Variants in PXDNL observed in about 807,000 individuals in gnomAD.
PXDNL encodes probable oxidoreductase PXDNL.
In PXDNL, 145 loss-of-function variants were observed where a neutral mutation model predicts 150.8. The observed-to-expected ratio is 0.96, with a 90% CI of 0.84 to 1.10. The LOEUF is 1.10. Among genes scored for constraint, PXDNL ranks in the 50% least tolerant of loss-of-function variants. The pLI is 0.00. For missense variants in PXDNL, 2,087 were observed against 1,873.9 expected (o/e 1.11, Z -2.10); for synonymous variants, 757 against 725.7 (o/e 1.04, Z -0.69).
At chr8:51,412,056 C>A (rs944294476) in intron 15 of PXDNL, among the ~76,000 whole-genome samples, 1 of 152,164 alleles carries the variant, frequency 6.6e-6, no homozygotes, top group Admixed American at 6.5e-5. Flanking sequence ...AAATACCAAG[C>A]CCACTGACCA....
At chr8:51,590,200 TAA>T (rs1232291530) in intron 3 of PXDNL, among the ~76,000 whole-genome samples, 1 of 152,040 alleles carries the variant, frequency 6.6e-6, no homozygotes. Context: ...CCACATGGTA[TAA>T]GTCTCCAGGC....
intron 2 of PXDNL, among the ~76,000 whole-genome samples, chr8:51,600,893 A>G (rs1191013346): frequency 7.0e-6 from 1 of 142,178 alleles, no homozygotes; most frequent in Non-Finnish European, 1.5e-5. Context: ...TATATAAATT[A>G]TATAGTTTAG....
At chr8:51,367,169 TG>T (rs1171322364) in intron 19 of PXDNL, among the ~76,000 whole-genome samples, 1 of 136,310 alleles carries the variant, frequency 7.3e-6, no homozygotes, top group African/African-American at 2.8e-5. Context: ...GCTGGGTAAA[TG>T]ATGAAACCAT....
chr8:51,630,308 G>T (rs576120849), intron 2 of PXDNL, among the ~76,000 whole-genome samples: 1 of 152,026 alleles, frequency 6.6e-6, no homozygotes, highest in Non-Finnish European at 1.5e-5. Context: ...ACACTGAAAT[G>T]TAACATGTAA....
At chr8:51,700,709 CAT>C (rs931065220) in intron 1 of PXDNL, among the ~76,000 whole-genome samples, 4 of 151,660 alleles carry the variant, frequency 2.6e-5, no homozygotes, top group African/African-American at 4.8e-5. Context: ...CACAGACACA[CAT>C]AGACATATAT....
intron 6 of PXDNL, among the ~76,000 whole-genome samples, chr8:51,480,243 A>G (rs1268851396): frequency 6.6e-6 from 1 of 152,170 alleles, no homozygotes; most frequent in African/African-American, 2.4e-5. Flanking sequence ...GCCATAAAGA[A>G]ATACCTAAGA....
intron 8 of PXDNL, among the ~76,000 whole-genome samples, chr8:51,470,197 T>C (rs776509783): frequency 4.6e-4 from 70 of 152,052 alleles, no homozygotes; most frequent in Non-Finnish European, 8.5e-4. Flanking sequence ...AAGAAGGAAA[T>C]AAATTGAACA....
chr8:51,584,075 A>T (rs992163231), intron 3 of PXDNL, among the ~76,000 whole-genome samples: 2 of 152,178 alleles, frequency 1.3e-5, no homozygotes, highest in African/African-American at 4.8e-5. Flanking sequence ...AAAAATCAAT[A>T]AATCAATTAA....
intron 2 of PXDNL, among the ~76,000 whole-genome samples, chr8:51,616,401 A>C (rs1005894148): frequency 2.0e-5 from 3 of 152,182 alleles, no homozygotes; most frequent in African/African-American, 7.2e-5. Context: ...CCTTCGAAAG[A>C]GATTTTCTTT....
intron 1 of PXDNL, among the ~76,000 whole-genome samples, chr8:51,794,322 A>G (rs994331930): frequency 6.6e-6 from 1 of 152,110 alleles, no homozygotes; most frequent in African/African-American, 2.4e-5. Flanking sequence ...GAACCCCAGT[A>G]AGATCCTCCA....
At chr8:51,719,639 TAA>T (rs1192424526) in intron 1 of PXDNL, among the ~76,000 whole-genome samples, 1,552 of 134,370 alleles carry the variant, frequency 0.012, 24 homozygotes, top group African/African-American at 0.035. Context: ...ATGATCAATT[TAA>T]AAAAAAAAAA....
chr8:51,617,444 C>G (rs185364499), intron 2 of PXDNL, among the ~76,000 whole-genome samples: 2 of 152,306 alleles, frequency 1.3e-5, no homozygotes, highest in Admixed American at 6.5e-5. Flanking sequence ...CTGTTAAATG[C>G]TATAAGTGTC....
At chr8:51,377,063 G>A (rs1807341649) in intron 17 of PXDNL, among the ~76,000 whole-genome samples, 1 of 149,086 alleles carries the variant, frequency 6.7e-6, no homozygotes, top group South Asian at 2.1e-4. Context: ...ATTTCATTCT[G>A]CTTTAATGTC....
chr8:51,640,201 T>C (rs980502692), intron 2 of PXDNL, among the ~76,000 whole-genome samples: 116 of 152,196 alleles, frequency 7.6e-4, no homozygotes, highest in Admixed American at 2.2e-3. Flanking sequence ...ATGGGACATA[T>C]CTCAAAATAA....
intron 7 of PXDNL, 50 bp downstream of exon 7, chr8:51,474,922 G>A (rs1166174215): frequency 4.3e-6 from 6 of 1,407,438 alleles, no homozygotes; most frequent in South Asian, 4.2e-5. Flanking sequence ...TACAAAAAGA[G>A]AGCAAATGAG....
intron 1 of PXDNL, among the ~76,000 whole-genome samples, chr8:51,759,647 T>G (rs934528085): frequency 7.2e-5 from 11 of 152,354 alleles, no homozygotes; most frequent in Admixed American, 2.0e-4. Flanking sequence ...CATTCCTTTG[T>G]CATGCTTTAA....
At chr8:51,776,623 T>C (rs1461961103) in intron 1 of PXDNL, among the ~76,000 whole-genome samples, 1 of 152,128 alleles carries the variant, frequency 6.6e-6, no homozygotes, top group Non-Finnish European at 1.5e-5. Context: ...CCTGGCACCT[T>C]GCTTTTGGTC....
chr8:51,640,936 G>T (rs181495343), intron 2 of PXDNL, among the ~76,000 whole-genome samples: 1 of 151,862 alleles, frequency 6.6e-6, no homozygotes, highest in Non-Finnish European at 1.5e-5. Flanking sequence ...GAGGCATCAC[G>T]CTACCTGACT....
At chr8:51,799,140 G>A (rs550677770) in intron 1 of PXDNL, among the ~76,000 whole-genome samples, 1 of 152,250 alleles carries the variant, frequency 6.6e-6, no homozygotes, top group African/African-American at 2.4e-5. Context: ...TACAGGAACA[G>A]AACACCATAC....
Sources: allele counts gnomAD v4.1 joint callset (sites outside exome capture counted in the v4.1 genomes callset), GRCh38; gene constraint gnomAD v4.1.1; transcripts MANE v1.5; gene names NCBI Gene and HGNC (gene_info 2026-07-23, HGNC 2026-07-21).